The following FXYD3 variants were observed in gnomAD, a reference collection of about 807,000 sequenced individuals.
FXYD3 encodes the protein FXYD domain-containing ion transport regulator 3.
In FXYD3, 13 loss-of-function variants were observed where a neutral mutation model predicts 19.2. The ratio of observed to expected loss-of-function variants is 0.68; its 90% confidence interval spans 0.44 to 1.08. The LOEUF (loss-of-function observed/expected upper bound fraction) is 1.08, where lower values mean the gene tolerates loss of function less well. Ranked by LOEUF, FXYD3 falls within the 50% of genes least tolerant of loss-of-function variation. FXYD3 has a pLI of 0.00. For missense variants in FXYD3, 101 were observed against 109.4 expected, an observed-to-expected ratio of 0.92 and a Z score of 0.34; for synonymous variants, 48 against 38.9, an observed-to-expected ratio of 1.23 and a Z score of -0.87.
chr19:35,121,584 T>G, intron 5 of FXYD3: 2 of 1,366,374 alleles, frequency 1.5e-6, no homozygotes, highest in South Asian at 3.3e-5. Context: ...TCATCTGGCC[T>G]CCAGGTTCCA....
rs1279036005 is a variant in FXYD3, at chr19:35,123,795, G to A, written c.*338G>A. 2 of 423,728 alleles carry A rather than the reference G, an allele frequency of 4.7e-6. No individual in the cohort carries two copies. Among genetic ancestry groups the A allele is most frequent in the Non-Finnish European group, 8.6e-6 (2 of 232,186 alleles). 26.2% of individuals were successfully genotyped at this position (423,728 alleles called of 1,614,324 possible). A position where few individuals can be genotyped will look rare whatever the true frequency, so the allele number is the denominator to read the frequency against. On this transcript the variant is annotated 3_prime_UTR_variant, in exon 9 of 9. Transcript: ENST00000604404. ...AAAGCCCACAGGCCTGTTCCCTTGT[G>A]GCTTGGGACATGGCACAGGCCCGCC...
chr19:35,121,090 T>C lies in FXYD3; in HGVS notation c.53T>C (p.Leu18Pro), dbSNP rs778568495. The C allele has an allele frequency of 1.2e-6, 2 of 1,612,912 alleles. No individual in the cohort carries two copies. The highest frequency in any genetic ancestry group is 1.3e-5 in the African/African-American group (1 of 74,910). Residue 18 changes from leucine to proline, a missense_variant, in exon 4 of 9, where the codon CTG (leucine) becomes CCG (proline). Leu to Pro is a moderately conservative substitution (Grantham distance 98, BLOSUM62 -3). Transcript: ENST00000604404. ...LLVFLAGFPV[L>P]DANDLEDKNS... Reference sequence around the variant, plus strand: ...CTTCTCCCACTAGGCTTTCCTGTCCTGGACGCCAATGACCTAGAAGGTGAG... The same window carrying C: ...CTTCTCCCACTAGGCTTTCCTGTCCCGGACGCCAATGACCTAGAAGGTGAG...
intron 3 of FXYD3, among the ~76,000 whole-genome samples, chr19:35,120,213 C>T (rs2065010213): frequency 6.6e-6 from 1 of 151,330 alleles, no homozygotes; most frequent in African/African-American, 2.4e-5. Flanking sequence ...GATCTCGGCT[C>T]ACTGCAACCT....
intron 3 of FXYD3, chr19:35,119,660 TTTG>T: frequency 6.4e-6 from 3 of 468,838 alleles, no homozygotes; most frequent in Non-Finnish European, 1.1e-5. Flanking sequence ...TTTGGCTTTT[TTTG>T]TTTTTGTTTT....
intron 7 of FXYD3, 55 bp from the exon 8 acceptor site, chr19:35,123,216 G>T: frequency 6.5e-7 from 1 of 1,542,416 alleles, no homozygotes; most frequent in Non-Finnish European, 8.7e-7. Context: ...CCCTCTATCC[G>T]GAGGGAGAGG....
intron 2 of FXYD3, among the ~76,000 whole-genome samples, chr19:35,117,731 C>A (rs1600439820): frequency 2.6e-5 from 2 of 76,028 alleles, no homozygotes; most frequent in African/African-American, 1.1e-4. Context: ...CAGTAATGCT[C>A]CCCAAAGCCT....
intron 2 of FXYD3, 86 bp downstream of exon 2, chr19:35,116,445 C>T: frequency 1.0e-6 from 1 of 985,374 alleles, no homozygotes; most frequent in Non-Finnish European, 1.2e-6. Context: ...GACCCTGCCC[C>T]ATAGAAGCTT....
intron 7 of FXYD3, 133 bp from the exon 8 acceptor site, chr19:35,123,138 G>GC: frequency 6.8e-7 from 1 of 1,481,200 alleles, no homozygotes; most frequent in South Asian, 1.4e-5. Context: ...AAATGCTTTG[G>GC]CCCCTGGGAT....
Position 35,123,169 on chromosome 19 carries a change from A to C in FXYD3, c.210-102A>C, listed in dbSNP as rs547858325. 1,644 of 1,507,242 alleles carry C rather than the reference A, an allele frequency of 1.1e-3. 36 individuals are homozygous for C. The South Asian group carries it at 0.02, about 19-fold the overall frequency. The allele number at this position is 1,507,242 out of a possible 1,614,324, so 93.4% of individuals were successfully genotyped here. ...GGGATTGCACAACCCCCCAAATGGA[A>C]AGGCAGCCAGGAAGACATGTCTGGG... On this transcript the variant is annotated intron_variant, in intron 7 of 8. Transcript: ENST00000604404.
Position 35,123,091 on chromosome 19 carries a change from T to C in FXYD3, c.209+137T>C, listed in dbSNP as rs1241260141. The C allele has an allele frequency of 2.7e-6, 4 of 1,457,636 alleles. No homozygotes were observed. The African/African-American group carries it at 4.3e-5, about 16-fold the overall frequency. 90.3% of individuals were successfully genotyped at this position (1,457,636 alleles called of 1,614,324 possible). A position where few individuals can be genotyped will look rare whatever the true frequency, so the allele number is the denominator to read the frequency against. ...GCCGCTAAGATTTCCAGGTTTATTGTTTCTAGCTGGTAATCCCCAGGGGGC... is the reference window on the plus strand; with the variant it reads ...GCCGCTAAGATTTCCAGGTTTATTGCTTCTAGCTGGTAATCCCCAGGGGGC... On this transcript the variant is annotated intron_variant, in intron 7 of 8. Coordinates refer to ENST00000604404, the MANE Select transcript of FXYD3 (RefSeq NM_005971.4).
At chr19:35,117,136 A>G in intron 2 of FXYD3, 2 of 1,332,928 alleles carry the variant, frequency 1.5e-6, no homozygotes, top group Non-Finnish European at 1.9e-6. Context: ...CACCAACCAC[A>G]TCAGTTCGGG....
chr19:35,123,278 C>T lies in FXYD3; in HGVS notation c.217C>T (p.Pro73Ser). Residue 73 changes from proline (P) to serine (S), a missense_variant, in exon 8 of 9, where the codon CCA (proline) becomes TCA (serine). Transcript: ENST00000604404. Reference protein sequence around the residue: ...CKFGQKSGHHPGETPPLITPG... With the variant: ...CKFGQKSGHHSGETPPLITPG... ...CCACTTTTGTCTCCTTAGTCACCAT[C>T]CAGGGGAGACTCCACCTCTCATCAC... 2 of 1,603,092 alleles carry T rather than the reference C, an allele frequency of 1.2e-6. No homozygotes were observed. The highest frequency in any genetic ancestry group is 1.7e-6 in the Non-Finnish European group (2 of 1,174,828).
chr19:35,116,693 G>A, intron 2 of FXYD3: 1 of 984,942 alleles, frequency 1.0e-6, no homozygotes. Flanking sequence ...GCCTGGGTAG[G>A]TAGGGGTATC....
At position 35,122,855 on chromosome 19, in the gene FXYD3, C is replaced by T. The variant is rs201504229; in HGVS notation, c.172+16C>T. ...ATCGTCATGAGTGAGTGGAGGAGCT[C>T]GGGGGAGCAGGCGGGCCGGGGCTGG... On this transcript the variant is annotated intron_variant, in intron 6 of 8. Coordinates refer to ENST00000604404, the MANE Select transcript of FXYD3 (RefSeq NM_005971.4). The T allele has an allele frequency of 1.7e-5, 27 of 1,613,696 alleles. No individual in the cohort carries two copies. The highest frequency in any genetic ancestry group is 1.5e-4 in the African/African-American group (11 of 74,902).
At chr19:35,119,750 A>G in intron 3 of FXYD3, 2 of 369,228 alleles carry the variant, frequency 5.4e-6, no homozygotes, top group South Asian at 6.6e-5. Flanking sequence ...AGTTCACTAC[A>G]GCCTTGAACT....
At chr19:35,119,740 A>G (rs1461033557) in intron 3 of FXYD3, 2 of 405,996 alleles carry the variant, frequency 4.9e-6, no homozygotes, top group Non-Finnish European at 9.0e-6. Context: ...GCGCAATCAC[A>G]GTTCACTACA....
At chr19:35,118,661 G>A in intron 2 of FXYD3, 1 of 815,558 alleles carries the variant, frequency 1.2e-6, no homozygotes, top group Non-Finnish European at 1.5e-6. Flanking sequence ...GACCGGGAAG[G>A]GCATGGGTGT....
At position 35,119,617 on chromosome 19, in the gene FXYD3, C is replaced by T. The variant is rs140397743; in HGVS notation, c.40+201C>T. ...CTGGCTCACACAGCTGGAAAGTCAC[C>T]GTCTTCCCCATTCTCTCGATCTCTT... On this transcript the variant is annotated intron_variant, in intron 3 of 8. Transcript: ENST00000604404. The T allele has an allele frequency of 3.8e-4, 216 of 567,452 alleles. 1 individual carries two copies. Among genetic ancestry groups the T allele is most frequent in the Middle Eastern group, 3.2e-3 (7 of 2,156 alleles). The allele number at this position is 567,452 out of a possible 1,614,324, so 35.2% of individuals were successfully genotyped here. A position where few individuals can be genotyped will look rare whatever the true frequency, so the allele number is the denominator to read the frequency against.
chr19:35,116,617 A>G, intron 2 of FXYD3: 1 of 985,272 alleles, frequency 1.0e-6, no homozygotes, highest in Non-Finnish European at 1.2e-6. Flanking sequence ...GGGGTGTCTG[A>G]AAGACTAGTG....
Sources: allele counts gnomAD v4.1 joint callset (sites outside exome capture counted in the v4.1 genomes callset), GRCh38; gene constraint gnomAD v4.1.1; transcripts MANE v1.5; gene names NCBI Gene and HGNC (gene_info 2026-07-23, HGNC 2026-07-21).